DEF8: variants seen among roughly 807,000 people sequenced by gnomAD.
The protein encoded by DEF8 is differentially expressed in FDCP 8 homolog, also known as DEF-8.
In DEF8, 38 loss-of-function variants were observed where a neutral mutation model predicts 59.1. That is an observed-to-expected ratio of 0.64 (90% CI 0.50 to 0.84). DEF8 has a LOEUF of 0.84. DEF8 is among the 40% of genes least tolerant of loss of function. The pLI, the probability that DEF8 is intolerant of heterozygous loss-of-function variation, is 0.00. For synonymous variants in DEF8, 265 were observed against 250.1 expected (o/e 1.06, Z -0.56); for missense variants, 557 against 615.2 (o/e 0.91, Z 1.00).
chr16:89,960,746 C>T (rs930202941), intron 6 of DEF8, among the ~76,000 whole-genome samples, 185 bp from the exon 7 acceptor site: 1 of 152,092 alleles, frequency 6.6e-6, no homozygotes, highest in African/African-American at 2.4e-5. Flanking sequence ...ACCTTTGGGG[C>T]AAGGCTCAGG....
rs1433298679 is a variant in DEF8 at position 89,948,781 on chromosome 16, C to T, written c.-141C>T. On this transcript the variant is annotated 5_prime_UTR_variant, in exon 1 of 13. Coordinates refer to ENST00000563594, the MANE Select transcript of DEF8 (RefSeq NM_001242818.2). ...TAGCGGGGCGGCCGGGCGGATCCAG[C>T]GCAGCCGGGAGACAGATGCGAGGCG... The T allele has an allele frequency of 4.1e-6, 4 of 981,996 alleles. No individual in the cohort carries two copies. The highest frequency in any genetic ancestry group is 2.3e-4 in the East Asian group (2 of 8,598). 60.8% of individuals were successfully genotyped at this position (981,996 alleles called of 1,614,324 possible).
chr16:89,956,844 T>C (rs1451754597), intron 4 of DEF8: 3 of 152,234 alleles, frequency 2.0e-5, no homozygotes, highest in Non-Finnish European at 2.9e-5. Flanking sequence ...GCACTTCCTT[T>C]GGGCCACAGG....
Position 89,948,794 on chromosome 16 carries a change from C to T in DEF8, c.-128C>T. ...GGGCGGATCCAGCGCAGCCGGGAGA[C>T]AGATGCGAGGCGGCGGTCAGGTGAG... On this transcript the variant is annotated 5_prime_UTR_variant, in exon 1 of 13. Transcript: ENST00000563594. 1.0e-5 allele frequency: 10 copies of T among 982,490 alleles called. No homozygotes were observed. The highest frequency in any genetic ancestry group is 9.1e-5 in the South Asian group (2 of 21,904). The allele number at this position is 982,490 out of a possible 1,614,324, so 60.9% of individuals were successfully genotyped here.
At chr16:89,964,114 G>C in intron 10 of DEF8, 56 bp from the exon 11 acceptor site, 1 of 1,612,364 alleles carries the variant, frequency 6.2e-7, no homozygotes, top group Non-Finnish European at 8.5e-7. Flanking sequence ...ACCATGGGTG[G>C]GCGGTGGGAG....
chr16:89,961,803 G>C lies in DEF8; in HGVS notation c.746G>C (p.Trp249Ser). 1 of 1,613,282 alleles carries C rather than the reference G, an allele frequency of 6.2e-7. No homozygotes were observed. The highest frequency in any genetic ancestry group is 1.3e-5 in the African/African-American group (1 of 75,044). The change falls in exon 8 of 13, where the codon TGG becomes TCG. Residue 249 changes from tryptophan (W) to serine (S), a missense_variant. Trp to Ser is a radical substitution (Grantham distance 177, BLOSUM62 -3). Coordinates refer to ENST00000563594, the MANE Select transcript of DEF8 (RefSeq NM_001242818.2). The stretch of plus-strand genomic sequence containing the variant: ...CAGTACTACTGCAGCCACTGCCACT[G>C]GAACGACCTGGCTGTGATCCCTGCA... The part of the protein sequence containing the change: ...TGQYYCSHCH[W>S]NDLAVIPARV...
chr16:89,963,189 G>C (rs1182892089), intron 9 of DEF8, among the ~76,000 whole-genome samples, 174 bp from the exon 10 acceptor site: 1 of 152,200 alleles, frequency 6.6e-6, no homozygotes. Context: ...TGAGCCTCAC[G>C]GTCCTGCCCA....
intron 2 of DEF8, chr16:89,949,757 A>G: frequency 3.1e-6 from 3 of 983,288 alleles, no homozygotes; most frequent in Non-Finnish European, 4.4e-6. Context: ...CGATGAGAGC[A>G]GTGGGCTCTA....
At chr16:89,962,524 G>A (rs916512440) in intron 9 of DEF8, among the ~76,000 whole-genome samples, 1 of 152,060 alleles carries the variant, frequency 6.6e-6, no homozygotes, top group South Asian at 2.1e-4. Flanking sequence ...GGGCATGGTG[G>A]TGTGTGCCTG....
intron 4 of DEF8, among the ~76,000 whole-genome samples, 175 bp downstream of exon 4, chr16:89,955,441 C>A (rs1291735538): frequency 6.6e-6 from 1 of 152,092 alleles, no homozygotes; most frequent in African/African-American, 2.4e-5. Context: ...CTCCTGGCTT[C>A]GAATCTGAGG....
At chr16:89,952,726 TG>T (rs1175126122) in intron 2 of DEF8, 1 of 152,272 alleles carries the variant, frequency 6.6e-6, no homozygotes, top group Non-Finnish European at 1.5e-5. Context: ...TCACGTTCCC[TG>T]TGTCTTCCCC....
At chr16:89,961,145 G>A (rs2033972233) in intron 7 of DEF8, 50 bp downstream of exon 7, 2 of 1,584,136 alleles carry the variant, frequency 1.3e-6, no homozygotes, top group Non-Finnish European at 1.7e-6. Flanking sequence ...TCCTGGCGGG[G>A]AGCCGGGTGC....
At chr16:89,962,522 T>A (rs2034164080) in intron 9 of DEF8, among the ~76,000 whole-genome samples, 1 of 151,794 alleles carries the variant, frequency 6.6e-6, no homozygotes, top group Non-Finnish European at 1.5e-5. Flanking sequence ...CCGGGCATGG[T>A]GGTGTGTGCC....
At chr16:89,961,945 G>T in intron 8 of DEF8, 67 bp from the exon 9 acceptor site, 1 of 1,606,316 alleles carries the variant, frequency 6.2e-7, no homozygotes, top group Non-Finnish European at 8.5e-7. Flanking sequence ...TGTACCCCTG[G>T]TTGGGTGTTG....
At chr16:89,955,330 GT>G in intron 4 of DEF8, 64 bp downstream of exon 4, 1 of 1,415,882 alleles carries the variant, frequency 7.1e-7, no homozygotes, top group Middle Eastern at 1.8e-4. Context: ...AAGGGCCAGG[GT>G]TTCCTTGTCA....
chr16:89,949,948 C>T lies in DEF8; in HGVS notation c.-11+435C>T, dbSNP rs1265078431. On this transcript the variant is annotated intron_variant, in intron 2 of 12. Transcript: ENST00000563594. The stretch of plus-strand genomic sequence containing the variant: ...GCCGGCATCCCCAGGTCTGTGTGAG[C>T]AGAAGCTAAGGCTGCGAGGCCAGCG... 80 of 890,602 alleles carry T rather than the reference C, an allele frequency of 9.0e-5. 1 individual carries two copies. Among genetic ancestry groups the T allele is most frequent in the Non-Finnish European group, 1.1e-4 (73 of 688,794 alleles). The allele number at this position is 890,602 out of a possible 1,614,324, so 55.2% of individuals were successfully genotyped here.
At position 89,965,986 on chromosome 16, in the gene DEF8, CCCCGCCTGG is replaced by C; in HGVS notation, c.*30_*38del. 1.3e-6 allele frequency: 2 copies of C among 1,567,114 alleles called. No homozygotes were observed. Among genetic ancestry groups the C allele is most frequent in the Admixed American group, 3.4e-5 (2 of 58,278 alleles). On this transcript the variant is annotated 3_prime_UTR_variant, in exon 13 of 13. Transcript: ENST00000563594. ...TAGCGCCGAGGAACAGTGCTGGGCACCCCGCCTGGCCCGCCAGGACCCACCCTGCCAACA... is the reference window on the plus strand; with the variant it reads ...TAGCGCCGAGGAACAGTGCTGGGCACCCCGCCAGGACCCACCCTGCCAACA...
At chr16:89,951,951 C>T (rs534935076) in intron 2 of DEF8, among the ~76,000 whole-genome samples, 2 of 151,612 alleles carry the variant, frequency 1.3e-5, no homozygotes, top group Non-Finnish European at 2.9e-5. Context: ...GTTCTCGGCT[C>T]ACTGCAAGCT....
chr16:89,951,249 CA>C (rs1466429012), intron 2 of DEF8, among the ~76,000 whole-genome samples: 1 of 151,872 alleles, frequency 6.6e-6, no homozygotes, highest in Non-Finnish European at 1.5e-5. Flanking sequence ...GATCATCAGT[CA>C]GAATCTTTTC....
Position 89,967,422 on chromosome 16 carries a change from C to G in DEF8, c.*1459C>G, listed in dbSNP as rs8057206. ...CATCAGGAAGGGGATGGTGTCCACT[C>G]CCCACTGTGGTGGCTTTAGGCAAGG... On this transcript the variant is annotated 3_prime_UTR_variant, in exon 13 of 13. Coordinates refer to ENST00000563594, the MANE Select transcript of DEF8 (RefSeq NM_001242818.2). 0.06 allele frequency: 23,769 copies of G among 398,558 alleles called. 3,019 individuals are homozygous for G. Among genetic ancestry groups the G allele is most frequent in the African/African-American group, 0.34 (16,578 of 48,674 alleles). 24.7% of individuals were successfully genotyped at this position (398,558 alleles called of 1,614,324 possible). A position where few individuals can be genotyped will look rare whatever the true frequency, so the allele number is the denominator to read the frequency against.
Sources: gnomAD v4.1 joint callset for allele counts (sites outside exome capture counted in the v4.1 genomes callset) on GRCh38, gnomAD v4.1.1 for gene constraint, MANE v1.5 for transcripts, NCBI Gene and HGNC (gene_info 2026-07-23, HGNC 2026-07-21) for gene names.